Variants in RSU1 observed in about 807,000 individuals in gnomAD.
RSU1 encodes rsu-1.
Under a neutral mutation model 31.1 loss-of-function variants are expected in RSU1, and 26 were observed. That is an observed-to-expected ratio of 0.84 (90% CI 0.61 to 1.16). RSU1 has a LOEUF of 1.16. Among genes scored for constraint, RSU1 ranks in the 50% most tolerant of loss-of-function variants. The pLI, the probability that RSU1 is intolerant of heterozygous loss-of-function variation, is 0.00. For synonymous variants in RSU1, 164 were observed against 136.3 expected (o/e 1.20, Z -1.41); for missense variants, 320 against 339.1 (o/e 0.94, Z 0.44).
chr10:16,769,864 A>C (rs1489251116), intron 3 of RSU1, among the ~76,000 whole-genome samples: 1 of 152,242 alleles, frequency 6.6e-6, no homozygotes, highest in African/African-American at 2.4e-5. Flanking sequence ...AACACGTTCA[A>C]CGTGGATGCT....
chr10:16,649,550 G>C (rs1834641411), intron 8 of RSU1, among the ~76,000 whole-genome samples: 1 of 152,214 alleles, frequency 6.6e-6, no homozygotes, highest in South Asian at 2.1e-4. Context: ...GAACTCAAAT[G>C]CCCTGTTACT....
intron 8 of RSU1, among the ~76,000 whole-genome samples, chr10:16,650,383 A>G (rs1158198355): frequency 6.6e-6 from 1 of 152,122 alleles, no homozygotes; most frequent in Non-Finnish European, 1.5e-5. Flanking sequence ...GCGCTGACCT[A>G]TTGTTACATT....
At chr10:16,607,066 C>T (rs548975998) in intron 8 of RSU1, among the ~76,000 whole-genome samples, 4 of 152,236 alleles carry the variant, frequency 2.6e-5, no homozygotes, top group Admixed American at 1.3e-4. Flanking sequence ...ATCATGGGGG[C>T]GGTTTCTCAT....
At chr10:16,638,066 AGTG>A (rs1215121856) in intron 8 of RSU1, among the ~76,000 whole-genome samples, 2 of 152,162 alleles carry the variant, frequency 1.3e-5, no homozygotes, top group Non-Finnish European at 2.9e-5. Flanking sequence ...ATAAAATTTG[AGTG>A]GTGGCCAGAA....
intron 2 of RSU1, among the ~76,000 whole-genome samples, chr10:16,804,471 C>T (rs1266985879): frequency 6.6e-6 from 1 of 152,154 alleles, no homozygotes; most frequent in Non-Finnish European, 1.5e-5. Context: ...TAGGTATTCG[C>T]CCAGATGTGC....
intron 8 of RSU1, among the ~76,000 whole-genome samples, chr10:16,647,174 A>G (rs551264602): frequency 6.6e-6 from 1 of 152,050 alleles, no homozygotes; most frequent in African/African-American, 2.4e-5. Context: ...GAGTTTCACC[A>G]TGTTGGCCAG....
At chr10:16,764,616 C>T in intron 3 of RSU1, 106 bp from the exon 4 acceptor site, 1 of 1,209,080 alleles carries the variant, frequency 8.3e-7, no homozygotes, top group Non-Finnish European at 1.2e-6. Flanking sequence ...GACATAACTT[C>T]AAAAGGGCCA....
intron 3 of RSU1, among the ~76,000 whole-genome samples, chr10:16,773,642 T>C (rs1306889978): frequency 3.9e-5 from 6 of 152,178 alleles, no homozygotes; most frequent in African/African-American, 1.4e-4. Flanking sequence ...ACCTGCCTCC[T>C]CCACGTAATA....
intron 2 of RSU1, among the ~76,000 whole-genome samples, chr10:16,795,114 G>A (rs2131664887): frequency 6.6e-6 from 1 of 152,308 alleles, no homozygotes. Context: ...AGCACTTCGG[G>A]AGGCCGGGGC....
At chr10:16,709,764 T>TC (rs1439136189) in intron 7 of RSU1, among the ~76,000 whole-genome samples, 1 of 152,222 alleles carries the variant, frequency 6.6e-6, no homozygotes, top group African/African-American at 2.4e-5. Context: ...GAGCATTTTT[T>TC]CATGTGTCTT....
At chr10:16,734,541 T>C (rs968852758) in intron 7 of RSU1, among the ~76,000 whole-genome samples, 6 of 152,206 alleles carry the variant, frequency 3.9e-5, no homozygotes, top group African/African-American at 1.2e-4. Flanking sequence ...TAAAATGTCA[T>C]ATGTGAAAAT....
At chr10:16,787,707 T>C (rs1475557123) in intron 2 of RSU1, among the ~76,000 whole-genome samples, 7 of 152,278 alleles carry the variant, frequency 4.6e-5, no homozygotes, top group African/African-American at 7.2e-5. Flanking sequence ...CCTGCCCCCA[T>C]GTAAGATGTC....
rs141407018 is a variant in RSU1, at chr10:16,633,024, G to C, written c.732-39528C>G. 3.3e-5 allele frequency among the ~76,000 whole-genome samples: 5 copies of C among 152,282 alleles called. No homozygotes were observed. The East Asian group carries it at 7.7e-4, about 24-fold the overall frequency. ...GGCTATTTATGGTACCTTTAGACTA[G>C]AGTTTCTCAGCCTTGGCACTGAGAT... On this transcript the variant is annotated intron_variant, in intron 8 of 8. Transcript: ENST00000345264.
intron 2 of RSU1, among the ~76,000 whole-genome samples, chr10:16,802,351 C>T (rs1161439834): frequency 6.6e-6 from 1 of 152,044 alleles, no homozygotes; most frequent in Non-Finnish European, 1.5e-5. Flanking sequence ...GCTGGAAAGA[C>T]ATAATCTACC....
At chr10:16,798,847 A>C (rs1439546496) in intron 2 of RSU1, among the ~76,000 whole-genome samples, 2 of 144,252 alleles carry the variant, frequency 1.4e-5, no homozygotes, top group Admixed American at 6.7e-5. Context: ...CAGAAGAAAT[A>C]GAGTAACACA....
chr10:16,644,430 A>T lies in RSU1; in HGVS notation c.731+50593T>A, dbSNP rs193050233. On this transcript the variant is annotated intron_variant, in intron 8 of 8. Coordinates refer to ENST00000345264, the MANE Select transcript of RSU1 (RefSeq NM_012425.4). ...GTGAGTGGCATTTCCCACGTGCCAG[A>T]TACCTGGCTGTGTGTGTTTTTCTGC... Among the ~76,000 whole-genome samples, 18 of 152,360 alleles carry T rather than the reference A, an allele frequency of 1.2e-4. No individual in the cohort carries two copies. In the East Asian group the frequency reaches 3.5e-3, roughly 29 times the overall value.
chr10:16,614,213 A>G (rs962196215), intron 8 of RSU1, among the ~76,000 whole-genome samples: 4 of 152,204 alleles, frequency 2.6e-5, no homozygotes, highest in Non-Finnish European at 5.9e-5. Flanking sequence ...AACATATAAA[A>G]ACTGTAAACA....
At chr10:16,763,735 C>T (rs560575634) in intron 4 of RSU1, among the ~76,000 whole-genome samples, 1 of 152,330 alleles carries the variant, frequency 6.6e-6, no homozygotes, top group South Asian at 2.1e-4. Flanking sequence ...AAAGGCTTGG[C>T]TTCCTCTGTA....
At chr10:16,787,625 G>C (rs931972432) in intron 2 of RSU1, among the ~76,000 whole-genome samples, 1 of 152,118 alleles carries the variant, frequency 6.6e-6, no homozygotes, top group Admixed American at 6.5e-5. Flanking sequence ...CATACTGTTC[G>C]TGTGACAGTA....
Sources: allele counts gnomAD v4.1 joint callset (sites outside exome capture counted in the v4.1 genomes callset), GRCh38; gene constraint gnomAD v4.1.1; transcripts MANE v1.5; gene names NCBI Gene and HGNC (gene_info 2026-07-23, HGNC 2026-07-21).